FCHSD2: variants seen among roughly 807,000 people sequenced by gnomAD.
FCHSD2 encodes the protein F-BAR and double SH3 domains protein 2.
Under a neutral mutation model 108.1 loss-of-function variants are expected in FCHSD2, and 38 were observed. The observed-to-expected ratio is 0.35, with a 90% CI of 0.27 to 0.46. The LOEUF is 0.46. Among genes scored for constraint, FCHSD2 ranks in the 20% least tolerant of loss-of-function variants. FCHSD2 has a pLI of 1.00. For synonymous variants in FCHSD2, 279 were observed against 314.7 expected, an observed-to-expected ratio of 0.89 and a Z score of 1.20; for missense variants, 751 against 897.8, an observed-to-expected ratio of 0.84 and a Z score of 2.09.
At chr11:73,057,874 G>A (rs895349520) in intron 3 of FCHSD2, among the ~76,000 whole-genome samples, 1 of 151,450 alleles carries the variant, frequency 6.6e-6, no homozygotes, top group Non-Finnish European at 1.5e-5. Context: ...CTGCCAATTC[G>A]GTATTCTTTT....
At chr11:72,873,088 G>A (rs985002132) in intron 12 of FCHSD2, among the ~76,000 whole-genome samples, 4 of 151,954 alleles carry the variant, frequency 2.6e-5, no homozygotes, top group African/African-American at 9.7e-5. Context: ...CCAGCACTTC[G>A]GGAGGCTGAG....
intron 13 of FCHSD2, among the ~76,000 whole-genome samples, chr11:72,855,894 CTT>C (rs1861415681): frequency 6.6e-6 from 1 of 152,182 alleles, no homozygotes; most frequent in Non-Finnish European, 1.5e-5. Context: ...CATCTATACT[CTT>C]TGAACTATTA....
chr11:72,916,191 C>T (rs2135302417), intron 9 of FCHSD2, among the ~76,000 whole-genome samples: 1 of 151,986 alleles, frequency 6.6e-6, no homozygotes, highest in South Asian at 2.1e-4. Context: ...ATCTGCACAT[C>T]CTGCACATGT....
intron 2 of FCHSD2, among the ~76,000 whole-genome samples, chr11:73,138,134 C>T (rs1861165539): frequency 6.6e-6 from 1 of 152,194 alleles, no homozygotes; most frequent in African/African-American, 2.4e-5. Context: ...ACTATATCAA[C>T]TTAGCTTAGA....
chr11:72,928,241 A>G (rs904315529), intron 8 of FCHSD2, among the ~76,000 whole-genome samples: 37 of 151,914 alleles, frequency 2.4e-4, no homozygotes, highest in Non-Finnish European at 4.4e-4. Context: ...CATATTAGGG[A>G]AAAAAAATTC....
In FCHSD2 at chr11:73,137,020, T is replaced by C. The variant is rs996849374; in HGVS notation, c.119+3011A>G. On this transcript the variant is annotated intron_variant, in intron 2 of 19. Coordinates refer to ENST00000409418, the MANE Select transcript of FCHSD2 (RefSeq NM_014824.3). ...TCCAGCCTAGCCAACAGAGCGAGACTTTGTCTCAAAAACAAACAAAAAAAC... is the reference window on the plus strand; with the variant it reads ...TCCAGCCTAGCCAACAGAGCGAGACCTTGTCTCAAAAACAAACAAAAAAAC... 2.6e-5 allele frequency among the ~76,000 whole-genome samples: 4 copies of C among 152,144 alleles called. No homozygotes were observed. In the South Asian group the frequency reaches 8.3e-4, roughly 32 times the overall value.
At chr11:73,025,541 A>G (rs1313797676) in intron 3 of FCHSD2, among the ~76,000 whole-genome samples, 1 of 152,188 alleles carries the variant, frequency 6.6e-6, no homozygotes, top group Non-Finnish European at 1.5e-5. Flanking sequence ...ACTAATGGGT[A>G]CTAGGCTTAA....
intron 5 of FCHSD2, among the ~76,000 whole-genome samples, chr11:72,997,793 TGTGCTCAA>T (rs1317155298): frequency 6.6e-6 from 1 of 152,170 alleles, no homozygotes; most frequent in Non-Finnish European, 1.5e-5. Context: ...CTCTACCTCC[TGTGCTCAA>T]GTGATCCTCC....
At chr11:73,015,737 A>T in intron 4 of FCHSD2, 72 bp downstream of exon 4, 1 of 851,366 alleles carries the variant, frequency 1.2e-6, no homozygotes, top group Non-Finnish European at 1.9e-6. Flanking sequence ...CTAGAGTGTT[A>T]CATTATCTAT....
intron 12 of FCHSD2, among the ~76,000 whole-genome samples, chr11:72,872,778 A>T (rs1358017608): frequency 6.6e-6 from 1 of 152,164 alleles, no homozygotes; most frequent in Non-Finnish European, 1.5e-5. Context: ...TTTAGTGTGG[A>T]CATGTTTTCA....
intron 8 of FCHSD2, among the ~76,000 whole-genome samples, chr11:72,963,978 T>C (rs1856860518): frequency 6.6e-6 from 1 of 152,202 alleles, no homozygotes; most frequent in African/African-American, 2.4e-5. Flanking sequence ...AACTTGGAAG[T>C]AGATCTTTAC....
At chr11:72,986,668 T>C (rs191133172) in intron 6 of FCHSD2, among the ~76,000 whole-genome samples, 2 of 152,276 alleles carry the variant, frequency 1.3e-5, no homozygotes, top group East Asian at 3.9e-4. Flanking sequence ...ATAGGCTGAG[T>C]TGCATGTAGA....
At chr11:72,988,890 A>G (rs1482331542) in intron 6 of FCHSD2, 74 bp downstream of exon 6, 1 of 1,317,078 alleles carries the variant, frequency 7.6e-7, no homozygotes, top group Non-Finnish European at 1.0e-6. Flanking sequence ...GCTCACTACT[A>G]ATAGAGAACA....
intron 8 of FCHSD2, among the ~76,000 whole-genome samples, chr11:72,963,785 T>C (rs2135376058): frequency 6.6e-6 from 1 of 152,212 alleles, no homozygotes; most frequent in South Asian, 2.1e-4. Flanking sequence ...TGACAGGAGG[T>C]GGAGCTCAGG....
chr11:72,936,220 GAGAA>G (rs1856297688), intron 8 of FCHSD2, among the ~76,000 whole-genome samples: 1 of 152,162 alleles, frequency 6.6e-6, no homozygotes, highest in Non-Finnish European at 1.5e-5. Context: ...TGTTCTACCA[GAGAA>G]TTTCATCTAT....
At chr11:72,964,344 A>G (rs548104928) in intron 8 of FCHSD2, among the ~76,000 whole-genome samples, 1 of 152,328 alleles carries the variant, frequency 6.6e-6, no homozygotes, top group East Asian at 1.9e-4. Context: ...AGATGTCATT[A>G]TAACTCTTCT....
intron 6 of FCHSD2, among the ~76,000 whole-genome samples, chr11:72,988,268 C>G (rs1391343460): frequency 6.6e-6 from 1 of 152,170 alleles, no homozygotes; most frequent in East Asian, 1.9e-4. Flanking sequence ...ATACAACATG[C>G]TTTTTCTCAT....
chr11:73,079,450 A>G (rs988093956), intron 3 of FCHSD2, among the ~76,000 whole-genome samples: 1 of 151,980 alleles, frequency 6.6e-6, no homozygotes, highest in Non-Finnish European at 1.5e-5. Flanking sequence ...CGCCCGCTTC[A>G]GCCTCCCAAA....
chr11:72,935,730 A>T (rs768983947), intron 8 of FCHSD2, among the ~76,000 whole-genome samples: 4 of 152,240 alleles, frequency 2.6e-5, no homozygotes, highest in Non-Finnish European at 5.9e-5. Context: ...AATCAGAAAC[A>T]TATCATCTAA....
Sources: allele counts gnomAD v4.1 joint callset (sites outside exome capture counted in the v4.1 genomes callset), GRCh38; gene constraint gnomAD v4.1.1; transcripts MANE v1.5; gene names NCBI Gene and HGNC (gene_info 2026-07-23, HGNC 2026-07-21).